Variants in PPP2CA observed in about 807,000 individuals in gnomAD.
The protein encoded by PPP2CA is serine/threonine-protein phosphatase 2A catalytic subunit alpha isoform.
Under a neutral mutation model 38.8 loss-of-function variants are expected in PPP2CA, and 5 were observed. That is an observed-to-expected ratio of 0.13 (90% confidence interval 0.07 to 0.27). The LOEUF is 0.27. Ranked by LOEUF, PPP2CA falls within the 10% of genes least tolerant of loss-of-function variation. PPP2CA has a pLI of 1.00. For missense variants in PPP2CA, 88 were observed against 389.7 expected (o/e 0.23, Z 6.52); for synonymous variants, 152 against 134.0 (o/e 1.13, Z -0.93).
At chr5:134,206,608 C>T (rs1762090045) in intron 1 of PPP2CA, among the ~76,000 whole-genome samples, 2 of 152,028 alleles carry the variant, frequency 1.3e-5, no homozygotes, top group Admixed American at 1.3e-4. Context: ...AGGAATCTTC[C>T]CACCTCAGTA....
chr5:134,221,143 CCT>C (rs1281761569), intron 1 of PPP2CA, among the ~76,000 whole-genome samples: 1 of 152,078 alleles, frequency 6.6e-6, no homozygotes, highest in Non-Finnish European at 1.5e-5. Context: ...ATGGGGTCTC[CCT>C]CTGTCGCCCA....
At chr5:134,205,884 A>G (rs1459365585) in intron 2 of PPP2CA, 38 bp downstream of exon 2, 1 of 1,552,674 alleles carries the variant, frequency 6.4e-7, no homozygotes, top group Admixed American at 1.7e-5. Context: ...GGACTGTCTT[A>G]CCCATTTCAA....
rs1761848925 is a variant in PPP2CA at position 134,196,338 on chromosome 5, TATCAAATATTAGTTCCC to T, written c.*1417_*1433del. 1 of 152,218 alleles carries T rather than the reference TATCAAATATTAGTTCCC, an allele frequency of 6.6e-6. No homozygotes were observed. The highest frequency in any genetic ancestry group is 2.4e-5 in the African/African-American group (1 of 41,456). 9.4% of individuals were successfully genotyped at this position (152,218 alleles called of 1,614,324 possible). A position where few individuals can be genotyped will look rare whatever the true frequency, so the allele number is the denominator to read the frequency against. ...TCCTGTTTACTCTGGTAGGTTAAAA[TATCAAATATTAGTTCCC>T]ACAGAAGAACTTTTTTTTAAACATC... On this transcript the variant is annotated 3_prime_UTR_variant, in exon 7 of 7. Transcript: ENST00000481195.
intron 1 of PPP2CA, among the ~76,000 whole-genome samples, chr5:134,219,448 T>A (rs1762390398): frequency 6.6e-6 from 1 of 152,132 alleles, no homozygotes; most frequent in African/African-American, 2.4e-5. Context: ...CCCATTCTAC[T>A]CCTCGTCCCC....
intron 1 of PPP2CA, among the ~76,000 whole-genome samples, chr5:134,223,875 T>G (rs933266110): frequency 6.6e-6 from 1 of 152,262 alleles, no homozygotes; most frequent in Non-Finnish European, 1.5e-5. Context: ...ATTCAATAGA[T>G]GTTCAATATT....
At chr5:134,206,223 G>A in intron 1 of PPP2CA, 92 bp from the exon 2 acceptor site, 1 of 1,079,990 alleles carries the variant, frequency 9.3e-7, no homozygotes, top group East Asian at 2.4e-5. Context: ...AGCTTAAGGG[G>A]CAGACTCAGT....
At chr5:134,211,197 C>A (rs1762197076) in intron 1 of PPP2CA, among the ~76,000 whole-genome samples, 1 of 151,886 alleles carries the variant, frequency 6.6e-6, no homozygotes, top group South Asian at 2.1e-4. Context: ...CTCAAGTAAT[C>A]CTCCCACCTT....
In PPP2CA at chr5:134,196,570, G is replaced by A. The variant is rs1369912334; in HGVS notation, c.*1202C>T. On this transcript the variant is annotated 3_prime_UTR_variant, in exon 7 of 7. Coordinates refer to ENST00000481195, the MANE Select transcript of PPP2CA (RefSeq NM_002715.4). ...CTAATGCTTTAACACTTTCTTATCT[G>A]AGACAAATTTAACTCTAAGAACATA... 3 of 152,122 alleles carry A rather than the reference G, an allele frequency of 2.0e-5. No homozygotes were observed. Among genetic ancestry groups the A allele is most frequent in the Admixed American group, 6.5e-5 (1 of 15,274 alleles). The allele number at this position is 152,122 out of a possible 1,614,324, so 9.4% of individuals were successfully genotyped here. A position where few individuals can be genotyped will look rare whatever the true frequency, so the allele number is the denominator to read the frequency against.
In PPP2CA at chr5:134,216,537, CAAAAAAA is replaced by C. The variant is rs748030385; in HGVS notation, c.102+9216_102+9222del. On this transcript the variant is annotated intron_variant, in intron 1 of 6. Transcript: ENST00000481195. Reference sequence around the variant, plus strand: ...CCTGGGCAACAGAGTGAGACTGCCTCAAAAAAAAAAAAAAAAAAAAGTGGTTTCCTTC... The same window carrying C: ...CCTGGGCAACAGAGTGAGACTGCCTCAAAAAAAAAAAAAGTGGTTTCCTTC... Among the ~76,000 whole-genome samples the C allele has an allele frequency of 1.4e-4, 4 of 29,586 alleles. No homozygotes were observed. The East Asian group carries it at 2.6e-3, about 19-fold the overall frequency. 19.4% of individuals were successfully genotyped at this position (29,586 alleles called of 152,430 possible). A position where few individuals can be genotyped will look rare whatever the true frequency, so the allele number is the denominator to read the frequency against.
chr5:134,213,829 A>G lies in PPP2CA; in HGVS notation c.103-7698T>C, dbSNP rs1424399754. Among the ~76,000 whole-genome samples the G allele has an allele frequency of 2.0e-5, 3 of 152,334 alleles. No homozygotes were observed. In the East Asian group the frequency reaches 5.8e-4, roughly 29 times the overall value. The stretch of plus-strand genomic sequence containing the variant: ...TTACAACCATGTCACAATTCTTTGC[A>G]TTAAAAAAAGGCTGAAAAGCCCAGG... On this transcript the variant is annotated intron_variant, in intron 1 of 6. Coordinates refer to ENST00000481195, the MANE Select transcript of PPP2CA (RefSeq NM_002715.4).
At chr5:134,224,912 T>C (rs2149389920) in intron 1 of PPP2CA, among the ~76,000 whole-genome samples, 1 of 152,358 alleles carries the variant, frequency 6.6e-6, no homozygotes. Flanking sequence ...TCAAGTAATT[T>C]TTGCAACAAA....
rs1761845634 is a variant in PPP2CA, at chr5:134,196,137, A to G, written c.*1635T>C. ...AATGGCCTTTTGCTTTGGAAAATTA[A>G]CTCCACAAGCCACTAAAAATACTAT... On this transcript the variant is annotated 3_prime_UTR_variant, in exon 7 of 7. Coordinates refer to ENST00000481195, the MANE Select transcript of PPP2CA (RefSeq NM_002715.4). 6.6e-6 allele frequency: 1 copy of G among 152,062 alleles called. No individual in the cohort carries two copies. Among genetic ancestry groups the G allele is most frequent in the South Asian group, 2.1e-4 (1 of 4,826 alleles). The allele number at this position is 152,062 out of a possible 1,614,324, so 9.4% of individuals were successfully genotyped here.
chr5:134,225,309 A>G (rs35917833), intron 1 of PPP2CA: 1 of 158,484 alleles, frequency 6.3e-6, no homozygotes, highest in Non-Finnish European at 1.4e-5. Context: ...CGGCCTAACA[A>G]GACTGCCTTT....
At chr5:134,224,484 C>T (rs2149389774) in intron 1 of PPP2CA, 1 of 353,470 alleles carries the variant, frequency 2.8e-6, no homozygotes, top group South Asian at 2.2e-5. Context: ...CTAATTTTCA[C>T]ATCAAACCAG....
intron 1 of PPP2CA, 136 bp downstream of exon 1, chr5:134,225,624 C>A: frequency 1.5e-6 from 1 of 674,342 alleles, no homozygotes. Flanking sequence ...CCGCCGCCGG[C>A]CAGGATGGGC....
rs190423595 is a variant in PPP2CA, at chr5:134,196,172, C to T, written c.*1600G>A. 8.5e-5 allele frequency: 13 copies of T among 152,290 alleles called. No individual in the cohort carries two copies. The East Asian group carries it at 1.4e-3, about 16-fold the overall frequency. The allele number at this position is 152,290 out of a possible 1,614,324, so 9.4% of individuals were successfully genotyped here. ...CCACTAAAAATACTATCAATTAGATCAGAAAAGACATTCGGTATGTATGTG... is the reference window on the plus strand; with the variant it reads ...CCACTAAAAATACTATCAATTAGATTAGAAAAGACATTCGGTATGTATGTG... On this transcript the variant is annotated 3_prime_UTR_variant, in exon 7 of 7. Transcript: ENST00000481195.
At chr5:134,209,655 G>C (rs762414079) in intron 1 of PPP2CA, among the ~76,000 whole-genome samples, 6 of 151,914 alleles carry the variant, frequency 3.9e-5, no homozygotes, top group African/African-American at 1.2e-4. Context: ...GTGTAGGCCC[G>C]TAATCTCAGC....
chr5:134,220,630 T>C lies in PPP2CA; in HGVS notation c.102+5130A>G, dbSNP rs191816092. On this transcript the variant is annotated intron_variant, in intron 1 of 6. Coordinates refer to ENST00000481195, the MANE Select transcript of PPP2CA (RefSeq NM_002715.4). ...AGAAAGAATAAATAGTGTCTCCCTG[T>C]TACATATAGCTTTGCCTCTCTCCTC... Among the ~76,000 whole-genome samples the C allele has an allele frequency of 2.3e-3, 344 of 152,228 alleles. 1 individual carries two copies. The highest frequency in any genetic ancestry group is 7.9e-3 in the African/African-American group (328 of 41,526).
In PPP2CA at chr5:134,198,993, G is replaced by A. The variant is rs576913769; in HGVS notation, c.857+93C>T. The A allele has an allele frequency of 3.0e-5, 30 of 988,300 alleles. No individual in the cohort carries two copies. In the African/African-American group the frequency reaches 4.2e-4, roughly 14 times the overall value. The allele number at this position is 988,300 out of a possible 1,614,324, so 61.2% of individuals were successfully genotyped here. ...CAGCCTAGGAGTTCGAGACAAGACTGGGCAATATAGTGACACCCTCTCTCT... is the reference window on the plus strand; with the variant it reads ...CAGCCTAGGAGTTCGAGACAAGACTAGGCAATATAGTGACACCCTCTCTCT... On this transcript the variant is annotated intron_variant, in intron 6 of 6. Transcript: ENST00000481195.
Sources: allele counts gnomAD v4.1 joint callset (sites outside exome capture counted in the v4.1 genomes callset), GRCh38; gene constraint gnomAD v4.1.1; transcripts MANE v1.5; gene names NCBI Gene and HGNC (gene_info 2026-07-23, HGNC 2026-07-21).